The following PDGFRA variants were observed in gnomAD, a reference collection of about 807,000 sequenced individuals.
The protein encoded by PDGFRA is platelet derived growth factor receptor alpha, also known as platelet-derived growth factor receptor alpha.
PDGFRA carries 25 observed loss-of-function variants against 121.5 expected under a neutral mutation model. The ratio of observed to expected loss-of-function variants is 0.21; its 90% CI spans 0.15 to 0.29. PDGFRA has a LOEUF of 0.29. Ranked by LOEUF, PDGFRA falls within the 10% of genes least tolerant of loss-of-function variation. The pLI is 1.00. For missense variants in PDGFRA, 1,008 were observed against 1,345.1 expected (o/e 0.75, Z 3.92); for synonymous variants, 463 against 494.8 (o/e 0.94, Z 0.85).
rs68009440 is a variant in PDGFRA at position 54,260,397 on chromosome 4, G to GTTTTTTTTTTTTTTTTTTTT, written c.50-688_50-669dup. On this transcript the variant is annotated intron_variant, in intron 2 of 22. Transcript: ENST00000257290. ...TTGCCTCCATTCTTATTCCATGTGG[G>GTTTTTTTTTTTTTTTTTTTT]TTTTTTTTTTTTTTTTTTTTTTTTT... Among the ~76,000 whole-genome samples the GTTTTTTTTTTTTTTTTTTTT allele has an allele frequency of 9.3e-5, 6 of 64,564 alleles. 1 individual carries two copies. Among genetic ancestry groups the GTTTTTTTTTTTTTTTTTTTT allele is most frequent in the African/African-American group, 3.4e-4 (5 of 14,762 alleles). 42.4% of individuals were successfully genotyped at this position (64,564 alleles called of 152,430 possible).
At chr4:54,262,797 G>C (rs1722823479) in intron 3 of PDGFRA, among the ~76,000 whole-genome samples, 2 of 152,204 alleles carry the variant, frequency 1.3e-5, no homozygotes, top group South Asian at 4.1e-4. Flanking sequence ...TTCCCCTGCT[G>C]TGAAGAGAAT....
intron 2 of PDGFRA, 52 bp from the exon 3 acceptor site, chr4:54,261,043 T>G: frequency 5.2e-4 from 786 of 1,497,282 alleles, no homozygotes; most frequent in Non-Finnish European, 6.7e-4. Flanking sequence ...GTTGTCGGGA[T>G]GAGACTGTCC....
At position 54,297,211 on chromosome 4, in the gene PDGFRA, T is replaced by G. The variant is rs368579295; in HGVS notation, c.*1939T>G. ...CATTGGCATTCTTTGCAATACTGCTTAATTGCTGATACCATATGAATGAAA... is the reference window on the plus strand; with the variant it reads ...CATTGGCATTCTTTGCAATACTGCTGAATTGCTGATACCATATGAATGAAA... On this transcript the variant is annotated 3_prime_UTR_variant, in exon 23 of 23. Transcript: ENST00000257290. The G allele has an allele frequency of 4.3e-6, 1 of 233,566 alleles. No individual in the cohort carries two copies. The highest frequency in any genetic ancestry group is 8.5e-6 in the Non-Finnish European group (1 of 118,060). 14.5% of individuals were successfully genotyped at this position (233,566 alleles called of 1,614,324 possible). A position where few individuals can be genotyped will look rare whatever the true frequency, so the allele number is the denominator to read the frequency against.
intron 1 of PDGFRA, among the ~76,000 whole-genome samples, chr4:54,237,024 A>G (rs1289493978): frequency 6.6e-6 from 1 of 151,290 alleles, no homozygotes; most frequent in Non-Finnish European, 1.5e-5. Flanking sequence ...GCTGGAGTGC[A>G]GTGGCGAGAT....
chr4:54,236,767 C>T (rs1327048786), intron 1 of PDGFRA, among the ~76,000 whole-genome samples: 2 of 151,876 alleles, frequency 1.3e-5, no homozygotes, highest in Non-Finnish European at 2.9e-5. Context: ...CATGCCACTG[C>T]ACTCCAGCCC....
At position 54,286,482 on chromosome 4, in the gene PDGFRA, G is replaced by A. The variant is rs549747439; in HGVS notation, c.2562+519G>A. Among the ~76,000 whole-genome samples the A allele has an allele frequency of 1.6e-4, 25 of 151,816 alleles. No individual in the cohort carries two copies. In the East Asian group the frequency reaches 4.1e-3, roughly 25 times the overall value. ...AGCAATTCTCCTGCCTTAGCCTCCC[G>A]AGTAGGTGGGATTACAGGCATGCAC... On this transcript the variant is annotated intron_variant, in intron 18 of 22. Coordinates refer to ENST00000257290, the MANE Select transcript of PDGFRA (RefSeq NM_006206.6).
chr4:54,260,996 T>C, intron 2 of PDGFRA, 99 bp from the exon 3 acceptor site: 2 of 1,068,760 alleles, frequency 1.9e-6, no homozygotes, highest in Non-Finnish European at 2.8e-6. Context: ...GTAGAAATGG[T>C]CATTGTTCAT....
At chr4:54,271,556 C>CCCTT (rs571664897) in intron 8 of PDGFRA, among the ~76,000 whole-genome samples, 56 of 151,428 alleles carry the variant, frequency 3.7e-4, no homozygotes, top group African/African-American at 1.0e-3. Context: ...TTCCCTCCCT[C>CCCTT]CCTTCCTTCC....
chr4:54,289,178 C>A (rs1177525879), intron 21 of PDGFRA, 64 bp downstream of exon 21: 1 of 944,922 alleles, frequency 1.1e-6, no homozygotes, highest in Non-Finnish European at 1.7e-6. Context: ...GTGAGCTGTG[C>A]TGTTCCGCAG....
chr4:54,252,308 T>C (rs1002835584), intron 1 of PDGFRA, among the ~76,000 whole-genome samples: 3 of 152,260 alleles, frequency 2.0e-5, no homozygotes, highest in African/African-American at 7.2e-5. Flanking sequence ...TTTGTTTTAC[T>C]GTTGTGGAAT....
In PDGFRA at chr4:54,296,014, C is replaced by G; in HGVS notation, c.*742C>G. On this transcript the variant is annotated 3_prime_UTR_variant, in exon 23 of 23. Transcript: ENST00000257290. ...AGAGAAAGCACAATTTAAAACAATCCTTACTAAGTAGGTGATGAGTTTGAC... is the reference window on the plus strand; with the variant it reads ...AGAGAAAGCACAATTTAAAACAATCGTTACTAAGTAGGTGATGAGTTTGAC... The G allele has an allele frequency of 4.3e-6, 1 of 232,436 alleles. No individual in the cohort carries two copies. Among genetic ancestry groups the G allele is most frequent in the Non-Finnish European group, 8.5e-6 (1 of 117,412 alleles). 14.4% of individuals were successfully genotyped at this position (232,436 alleles called of 1,614,324 possible). A position where few individuals can be genotyped will look rare whatever the true frequency, so the allele number is the denominator to read the frequency against.
At chr4:54,290,634 A>G in intron 22 of PDGFRA, 80 bp downstream of exon 22, 3 of 1,487,236 alleles carry the variant, frequency 2.0e-6, no homozygotes, top group Admixed American at 1.7e-5. Flanking sequence ...TTTCCCGATA[A>G]TGGTGCACTC....
At chr4:54,270,871 A>G in intron 8 of PDGFRA, 123 bp downstream of exon 8, 3 of 699,782 alleles carry the variant, frequency 4.3e-6, no homozygotes, top group Non-Finnish European at 7.9e-6. Flanking sequence ...CAGTGTCTGC[A>G]TATGTCACAT....
chr4:54,259,713 A>G (rs1374997848), intron 2 of PDGFRA, among the ~76,000 whole-genome samples: 1 of 152,216 alleles, frequency 6.6e-6, no homozygotes, highest in African/African-American at 2.4e-5. Context: ...TCCACTAAGT[A>G]TACCCCATCT....
chr4:54,238,276 C>A (rs1721117028), intron 1 of PDGFRA, among the ~76,000 whole-genome samples: 1 of 152,156 alleles, frequency 6.6e-6, no homozygotes, highest in South Asian at 2.1e-4. Flanking sequence ...TAGGCCCCAC[C>A]AAAAACTTTG....
rs5858264 is a variant in PDGFRA, at chr4:54,284,879, C to CTTTTT, written c.2324-474_2324-470dup. 1.2e-3 allele frequency among the ~76,000 whole-genome samples: 119 copies of CTTTTT among 101,236 alleles called. 14 individuals are homozygous for CTTTTT. The highest frequency in any genetic ancestry group is 1.7e-3 in the African/African-American group (43 of 25,744). The allele number at this position is 101,236 out of a possible 152,430, so 66.4% of individuals were successfully genotyped here. ...CTTTCCTTTCTTTCATTCTTTCTATCTTTTTTTTTTTTTTTTTTTTTTGAG... is the reference window on the plus strand; with the variant it reads ...CTTTCCTTTCTTTCATTCTTTCTATCTTTTTTTTTTTTTTTTTTTTTTTTTTTGAG... On this transcript the variant is annotated intron_variant, in intron 16 of 22. Coordinates refer to ENST00000257290, the MANE Select transcript of PDGFRA (RefSeq NM_006206.6).
At chr4:54,285,046 A>G (rs1724268293) in intron 16 of PDGFRA, among the ~76,000 whole-genome samples, 1 of 151,624 alleles carries the variant, frequency 6.6e-6, no homozygotes, top group Admixed American at 6.6e-5. Context: ...GGCACATGCC[A>G]CCATGCCTGG....
In PDGFRA at chr4:54,263,808, C is replaced by T. The variant is rs1349637223; in HGVS notation, c.509C>T (p.Ala170Val). 6.2e-7 allele frequency: 1 copy of T among 1,613,934 alleles called. No homozygotes were observed. The highest frequency in any genetic ancestry group is 1.7e-5 in the Admixed American group (1 of 59,976). ...TLHNSEGVVPASYDSRQGFNG... is the reference protein window; with the variant it reads ...TLHNSEGVVPVSYDSRQGFNG... ...CACAACAGTGAGGGGGTGGTACCTGCCTCCTACGACAGCAGACAGGGCTTT... is the reference window on the plus strand; with the variant it reads ...CACAACAGTGAGGGGGTGGTACCTGTCTCCTACGACAGCAGACAGGGCTTT... Residue 170 changes from alanine to valine, a missense_variant, in exon 4 of 23, where the codon GCC (alanine) becomes GTC (valine). Ala to Val is a moderately conservative substitution (Grantham distance 64, BLOSUM62 0). This residue lies in a region of PDGFRA where 575 missense variants were observed against 701.8 expected (regional missense o/e 0.82). Transcript: ENST00000257290.
chr4:54,243,801 C>T (rs1721448009), intron 1 of PDGFRA: 1 of 152,420 alleles, frequency 6.6e-6, no homozygotes, highest in African/African-American at 2.4e-5. Context: ...CAGGGAGTTC[C>T]CTTTCCTAGT....
Sources: allele counts gnomAD v4.1 joint callset (sites outside exome capture counted in the v4.1 genomes callset), GRCh38; gene constraint gnomAD v4.1.1; regional missense constraint gnomAD v4.1.1; transcripts MANE v1.5; gene names NCBI Gene and HGNC (gene_info 2026-07-23, HGNC 2026-07-21).